The following SV2B variants were observed in gnomAD, a reference collection of about 807,000 sequenced individuals.
SV2B encodes the protein synaptic vesicle glycoprotein 2B.
In SV2B, 41 loss-of-function variants were observed where a neutral mutation model predicts 73.9. The ratio of observed to expected loss-of-function variants is 0.56; its 90% CI spans 0.43 to 0.72. SV2B has a LOEUF of 0.72. Ranked by LOEUF, SV2B falls within the 30% of genes least tolerant of loss-of-function variation. The pLI, the probability that SV2B is intolerant of heterozygous loss-of-function variation, is 0.00. For synonymous variants in SV2B, 314 were observed against 314.2 expected (o/e 1.00, Z 0.01); for missense variants, 764 against 857.8 (o/e 0.89, Z 1.37).
At position 91,242,228 on chromosome 15, in the gene SV2B, A is replaced by G. The variant is rs2047048314; in HGVS notation, c.452-9591A>G. On this transcript the variant is annotated intron_variant, in intron 2 of 12. Coordinates refer to ENST00000394232, the MANE Select transcript of SV2B (RefSeq NM_001323032.3). The surrounding 1 kb of genome is among the most constrained non-coding windows in gnomAD (Gnocchi z 4.9). Reference sequence around the variant, plus strand: ...TGTTCTCCATCACTGGTCTCTCTTCATATTCCTGGCCTTTAAATGTTGGAA... The same window carrying G: ...TGTTCTCCATCACTGGTCTCTCTTCGTATTCCTGGCCTTTAAATGTTGGAA... Among the ~76,000 whole-genome samples, 1 of 152,136 alleles carries G rather than the reference A, an allele frequency of 6.6e-6. No individual in the cohort carries two copies. Among genetic ancestry groups the G allele is most frequent in the African/African-American group, 2.4e-5 (1 of 41,412 alleles).
At position 91,284,557 on chromosome 15, in the gene SV2B, A is replaced by G. The variant is rs990984217; in HGVS notation, c.1708+336A>G. On this transcript the variant is annotated intron_variant, in intron 11 of 12. Coordinates refer to ENST00000394232, the MANE Select transcript of SV2B (RefSeq NM_001323032.3). The surrounding 1 kb of genome is among the most constrained non-coding windows in gnomAD (Gnocchi z 4.5). The stretch of plus-strand genomic sequence containing the variant: ...CATCCGATTATTGTCAGAAAAATAT[A>G]TAAAATGCTCCTGGGTGATGGTTTG... Among the ~76,000 whole-genome samples, 4 of 152,240 alleles carry G rather than the reference A, an allele frequency of 2.6e-5. No homozygotes were observed. The highest frequency in any genetic ancestry group is 7.2e-5 in the African/African-American group (3 of 41,454).
intron 1 of SV2B, among the ~76,000 whole-genome samples, chr15:91,225,262 T>C (rs2046335473): frequency 6.6e-6 from 1 of 152,154 alleles, no homozygotes; most frequent in South Asian, 2.1e-4. Context: ...TGAACCACAA[T>C]GCTGAGTCTC....
chr15:91,153,658 G>A (rs537760941), intron 1 of SV2B, among the ~76,000 whole-genome samples: 1 of 152,234 alleles, frequency 6.6e-6, no homozygotes, highest in South Asian at 2.1e-4. Flanking sequence ...CCGGTGCCTG[G>A]GTGGATTTTA....
intron 6 of SV2B, among the ~76,000 whole-genome samples, chr15:91,263,176 AC>A (rs1272354739): frequency 6.6e-6 from 1 of 152,052 alleles, no homozygotes; most frequent in Non-Finnish European, 1.5e-5. Context: ...AGACACACAG[AC>A]ACAGAGACAC....
chr15:91,246,388 C>T (rs1054684513), intron 2 of SV2B, among the ~76,000 whole-genome samples: 3 of 152,100 alleles, frequency 2.0e-5, no homozygotes, highest in Admixed American at 2.0e-4. Flanking sequence ...ATTAAATGTG[C>T]ATTTACTTTG....
Position 91,265,517 on chromosome 15 carries a change from C to T in SV2B, c.1009-1065C>T, listed in dbSNP as rs147362229. Among the ~76,000 whole-genome samples, 1 of 152,324 alleles carries T rather than the reference C, an allele frequency of 6.6e-6. No homozygotes were observed. The highest frequency in any genetic ancestry group is 2.4e-5 in the African/African-American group (1 of 41,570). ...GAAAAACTGACATTTGAGAGGATAT[C>T]TTAAGGCTTTGGGGTGTGGTTTTTA... On this transcript the variant is annotated intron_variant, in intron 6 of 12. Coordinates refer to ENST00000394232, the MANE Select transcript of SV2B (RefSeq NM_001323032.3). The surrounding 1 kb of genome is among the most constrained non-coding windows in gnomAD (Gnocchi z 4.2).
rs911851944 is a variant in SV2B, at chr15:91,191,204, T to C, written c.-391-34669T>C. On this transcript the variant is annotated intron_variant, in intron 1 of 12. Coordinates refer to ENST00000394232, the MANE Select transcript of SV2B (RefSeq NM_001323032.3). ...TCTCAGCCTCCTGAGTAGTTGAGAT[T>C]ACAGGCACTGGCCACCACACCCAGC... Among the ~76,000 whole-genome samples the C allele has an allele frequency of 9.9e-5, 15 of 151,958 alleles. No homozygotes were observed. The East Asian group carries it at 2.9e-3, about 29-fold the overall frequency.
intron 1 of SV2B, among the ~76,000 whole-genome samples, chr15:91,151,941 G>C (rs9672495): frequency 9.9e-5 from 15 of 152,198 alleles, no homozygotes; most frequent in African/African-American, 3.1e-4. Flanking sequence ...AGGTTATTAT[G>C]TGTGGTGTGT....
intron 1 of SV2B, among the ~76,000 whole-genome samples, chr15:91,117,827 A>G (rs1006011913): frequency 6.6e-6 from 1 of 152,230 alleles, no homozygotes; most frequent in African/African-American, 2.4e-5. Context: ...ATGGGGGAAA[A>G]GAATTGGGAG....
chr15:91,170,427 A>G (rs936242919), intron 1 of SV2B, among the ~76,000 whole-genome samples: 3 of 152,156 alleles, frequency 2.0e-5, no homozygotes, highest in African/African-American at 4.8e-5. Context: ...AGCTGGAACT[A>G]TAGGCATGTG....
At position 91,129,537 on chromosome 15, in the gene SV2B, G is replaced by T. The variant is rs1294776346; in HGVS notation, c.-392+29174G>T. On this transcript the variant is annotated intron_variant, in intron 1 of 12. Coordinates refer to ENST00000394232, the MANE Select transcript of SV2B (RefSeq NM_001323032.3). This position sits in a 1 kb window ranked among gnomAD's most constrained non-coding sequence, Gnocchi z 5.1. ...CTAGTGCATGGATGAAGCTGCAAGGGTGGACAGAACCAAAACAGAAGGTCA... is the reference window on the plus strand; with the variant it reads ...CTAGTGCATGGATGAAGCTGCAAGGTTGGACAGAACCAAAACAGAAGGTCA... Among the ~76,000 whole-genome samples, 1 of 152,178 alleles carries T rather than the reference G, an allele frequency of 6.6e-6. No individual in the cohort carries two copies. The highest frequency in any genetic ancestry group is 6.5e-5 in the Admixed American group (1 of 15,284).
chr15:91,174,799 C>T (rs1314771012), intron 1 of SV2B, among the ~76,000 whole-genome samples: 1 of 152,224 alleles, frequency 6.6e-6, no homozygotes, highest in Non-Finnish European at 1.5e-5. Context: ...GCCAGTTTCT[C>T]AGCATTGAGC....
At chr15:91,191,913 T>C (rs28710072) in intron 1 of SV2B, among the ~76,000 whole-genome samples, 4,852 of 152,282 alleles carry the variant, frequency 0.032, 240 homozygotes, top group African/African-American at 0.11. Flanking sequence ...TTTTTCTCTG[T>C]CTTCCTATTT....
chr15:91,113,771 A>C (rs958026725), intron 1 of SV2B, among the ~76,000 whole-genome samples: 1 of 152,232 alleles, frequency 6.6e-6, no homozygotes, highest in Admixed American at 6.5e-5. Flanking sequence ...TACAGGTTGC[A>C]TAGCCTCAGA....
chr15:91,142,414 A>G (rs1174706600), intron 1 of SV2B, among the ~76,000 whole-genome samples: 1 of 152,238 alleles, frequency 6.6e-6, no homozygotes, highest in Non-Finnish European at 1.5e-5. Flanking sequence ...TTAAGTAATC[A>G]TTTATTTCCT....
rs1043109346 is a variant in SV2B, at chr15:91,280,831, G to A, written c.1374-897G>A. ...TCCTCACTTCCATTGTGCCTCCCTG[G>A]AAACAACCGTTTCTATCAGTTTCTT... On this transcript the variant is annotated intron_variant, in intron 9 of 12. Coordinates refer to ENST00000394232, the MANE Select transcript of SV2B (RefSeq NM_001323032.3). This position sits in a 1 kb window ranked among gnomAD's most constrained non-coding sequence, Gnocchi z 5.8. 4.6e-5 allele frequency among the ~76,000 whole-genome samples: 7 copies of A among 152,152 alleles called. No individual in the cohort carries two copies. Among genetic ancestry groups the A allele is most frequent in the African/African-American group, 1.4e-4 (6 of 41,424 alleles).
chr15:91,289,489 T>A lies in SV2B; in HGVS notation c.1709-32T>A. 6.2e-7 allele frequency: 1 copy of A among 1,613,782 alleles called. No homozygotes were observed. Among genetic ancestry groups the A allele is most frequent in the Non-Finnish European group, 8.5e-7 (1 of 1,179,828 alleles). On this transcript the variant is annotated intron_variant, in intron 11 of 12. Coordinates refer to ENST00000394232, the MANE Select transcript of SV2B (RefSeq NM_001323032.3). This position sits in a 1 kb window ranked among gnomAD's most constrained non-coding sequence, Gnocchi z 4.9. Reference sequence around the variant, plus strand: ...AGCCATGTGCAAGACACAGGCCTCATGTTTCTTTTTGCCCTTGAACTCCCT... The same window carrying A: ...AGCCATGTGCAAGACACAGGCCTCAAGTTTCTTTTTGCCCTTGAACTCCCT...
chr15:91,132,748 G>C lies in SV2B; in HGVS notation c.-392+32385G>C, dbSNP rs573681875. Among the ~76,000 whole-genome samples, 1 of 152,132 alleles carries C rather than the reference G, an allele frequency of 6.6e-6. No individual in the cohort carries two copies. The highest frequency in any genetic ancestry group is 1.5e-5 in the Non-Finnish European group (1 of 68,024). ...CCAGCTACTGGAGAGGCTGAGGTGG[G>C]AGGATCCGTTGAGCCCAGGAGTTTG... On this transcript the variant is annotated intron_variant, in intron 1 of 12. Coordinates refer to ENST00000394232, the MANE Select transcript of SV2B (RefSeq NM_001323032.3). This position sits in a 1 kb window ranked among gnomAD's most constrained non-coding sequence, Gnocchi z 4.6.
intron 1 of SV2B, among the ~76,000 whole-genome samples, chr15:91,133,298 A>G (rs1465124543): frequency 6.6e-6 from 1 of 151,986 alleles, no homozygotes; most frequent in Non-Finnish European, 1.5e-5. Flanking sequence ...GTTTTGATGA[A>G]ACAAACAAAC....
Sources: gnomAD v4.1 joint callset for allele counts (sites outside exome capture counted in the v4.1 genomes callset) on GRCh38, gnomAD v4.1.1 for gene constraint, Gnocchi (gnomAD v3.1) non-coding constraint, MANE v1.5 for transcripts, NCBI Gene and HGNC (gene_info 2026-07-23, HGNC 2026-07-21) for gene names.